The following RIMKLA variants were observed in gnomAD, a reference collection of about 807,000 sequenced individuals.
RIMKLA encodes the protein ribosomal modification protein rimK like family member A, also known as N-acetylaspartylglutamate synthase A.
In RIMKLA, 14 loss-of-function variants were observed where a neutral mutation model predicts 32.7. The observed-to-expected ratio is 0.43, with a 90% CI of 0.28 to 0.67. The LOEUF (loss-of-function observed/expected upper bound fraction) is 0.67. Ranked by LOEUF, RIMKLA falls within the 30% of genes least tolerant of loss-of-function variation. The pLI is 0.18. For missense variants in RIMKLA, 410 were observed against 519.0 expected, an observed-to-expected ratio of 0.79 and a Z score of 2.04; for synonymous variants, 176 against 204.1, an observed-to-expected ratio of 0.86 and a Z score of 1.18.
chr1:42,386,538 C>T (rs181601365), intron 1 of RIMKLA, among the ~76,000 whole-genome samples: 25 of 151,428 alleles, frequency 1.7e-4, no homozygotes, highest in Admixed American at 1.5e-3. Context: ...CACAAACCTA[C>T]AACATATTCT....
At chr1:42,392,116 A>AT (rs1643004604) in intron 1 of RIMKLA, among the ~76,000 whole-genome samples, 1 of 152,126 alleles carries the variant, frequency 6.6e-6, no homozygotes, top group Admixed American at 6.5e-5. Flanking sequence ...GAGATTATGA[A>AT]TTTATTAGTT....
chr1:42,380,986 C>A lies in RIMKLA; in HGVS notation c.52C>A (p.Pro18Thr). 6.9e-7 allele frequency: 1 copy of A among 1,451,956 alleles called. No homozygotes were observed. The allele number at this position is 1,451,956 out of a possible 1,614,324, so 89.9% of individuals were successfully genotyped here. Residue 18 changes from proline (P) to threonine (T), a missense_variant, in exon 1 of 5, where the codon CCG (proline) becomes ACG (threonine). Transcript: ENST00000431473. ...LTDRRIREDY[P>T]QVQILRALRQ... ...GGACCGGCGCATCCGCGAGGACTAC[C>A]CGCAGGTGCAGATCCTGCGCGCCCT...
In RIMKLA at chr1:42,423,956, C is replaced by T. The variant is rs1643316066; in HGVS notation, c.*8982C>T. On this transcript the variant is annotated 3_prime_UTR_variant, in exon 5 of 5. Coordinates refer to ENST00000431473, the MANE Select transcript of RIMKLA (RefSeq NM_173642.4). ...TTGTTAGAAAATTCTGGCTGAAATT[C>T]TCATGAGATGGGTCAGGGAACCTTG... 6.6e-6 allele frequency among the ~76,000 whole-genome samples: 1 copy of T among 152,238 alleles called. No individual in the cohort carries two copies. Among genetic ancestry groups the T allele is most frequent in the Non-Finnish European group, 1.5e-5 (1 of 68,014 alleles).
At chr1:42,388,910 C>T (rs1014125869) in intron 1 of RIMKLA, among the ~76,000 whole-genome samples, 1 of 152,060 alleles carries the variant, frequency 6.6e-6, no homozygotes, top group African/African-American at 2.4e-5. Flanking sequence ...CTAGAGGCAC[C>T]AAGAGCAGAA....
intron 1 of RIMKLA, among the ~76,000 whole-genome samples, chr1:42,385,263 A>G (rs1642926312): frequency 1.3e-5 from 2 of 152,066 alleles, no homozygotes; most frequent in South Asian, 4.2e-4. Flanking sequence ...TGTGGGGGAG[A>G]TCATGAGGGG....
In RIMKLA at chr1:42,404,436, C is replaced by T. The variant is rs557435755; in HGVS notation, c.395-75C>T. On this transcript the variant is annotated intron_variant, in intron 2 of 4. Coordinates refer to ENST00000431473, the MANE Select transcript of RIMKLA (RefSeq NM_173642.4). ...AGATGAGGCCTCACAAGAATTCCTA[C>T]AGAGGGGCGGGGCTGGGGTGACCGC... 1.2e-4 allele frequency: 117 copies of T among 955,620 alleles called. 1 individual carries two copies. The highest frequency in any genetic ancestry group is 4.2e-4 in the Middle Eastern group (2 of 4,776). 59.2% of individuals were successfully genotyped at this position (955,620 alleles called of 1,614,324 possible).
intron 1 of RIMKLA, among the ~76,000 whole-genome samples, chr1:42,390,291 GC>G (rs1388034529): frequency 6.6e-6 from 1 of 152,196 alleles, no homozygotes; most frequent in African/African-American, 2.4e-5. Context: ...GCCGGCCTCA[GC>G]CTCCCAAAGT....
Position 42,414,534 on chromosome 1 carries a change from A to G in RIMKLA, c.736A>G (p.Ile246Val). ...PLTEQGKQLA[I>V]QVSNILGMDF... ...GACAGAACAAGGCAAGCAGTTGGCTATTCAGGTGTCCAACATCCTAGGCAT... is the reference window on the plus strand; with the variant it reads ...GACAGAACAAGGCAAGCAGTTGGCTGTTCAGGTGTCCAACATCCTAGGCAT... The change falls in exon 5 of 5, where the codon ATT becomes GTT. Residue 246 changes from isoleucine (I) to valine (V), a missense_variant. Ile to Val is a conservative substitution (Grantham distance 29, BLOSUM62 3). Transcript: ENST00000431473. 6.2e-7 allele frequency: 1 copy of G among 1,614,246 alleles called. No individual in the cohort carries two copies. The highest frequency in any genetic ancestry group is 8.5e-7 in the Non-Finnish European group (1 of 1,180,042).
intron 4 of RIMKLA, among the ~76,000 whole-genome samples, chr1:42,413,435 C>T (rs1269946767): frequency 3.5e-5 from 5 of 143,074 alleles, no homozygotes; most frequent in Non-Finnish European, 6.0e-5. Context: ...ATCCAGGAGG[C>T]GGAGGTTGCA....
chr1:42,382,172 C>T (rs573515867), intron 1 of RIMKLA, among the ~76,000 whole-genome samples: 45 of 152,290 alleles, frequency 3.0e-4, no homozygotes, highest in African/African-American at 7.9e-4. Context: ...CCAAGTTTAT[C>T]GAAGTCCCTC....
Position 42,420,279 on chromosome 1 carries a change from T to C in RIMKLA, c.*5305T>C, listed in dbSNP as rs185895832. 1 of 152,364 alleles carries C rather than the reference T, an allele frequency of 6.6e-6. No homozygotes were observed. Among genetic ancestry groups the C allele is most frequent in the East Asian group, 1.9e-4 (1 of 5,186 alleles). The allele number at this position is 152,364 out of a possible 1,614,324, so 9.4% of individuals were successfully genotyped here. On this transcript the variant is annotated 3_prime_UTR_variant, in exon 5 of 5. Coordinates refer to ENST00000431473, the MANE Select transcript of RIMKLA (RefSeq NM_173642.4). Reference sequence around the variant, plus strand: ...GCATCAGCTGAGACATGAAGCTCAGTTTCCTCGCCCATTTCCACATAGCAA... The same window carrying C: ...GCATCAGCTGAGACATGAAGCTCAGCTTCCTCGCCCATTTCCACATAGCAA...
rs1349197904 is a variant in RIMKLA at position 42,422,850 on chromosome 1, G to A, written c.*7876G>A. On this transcript the variant is annotated 3_prime_UTR_variant, in exon 5 of 5. Transcript: ENST00000431473. Reference sequence around the variant, plus strand: ...GGAGGAAAATACTAATGCAGATGGCGTGAGCTTGTCACGGGCCTGCTCAGC... The same window carrying A: ...GGAGGAAAATACTAATGCAGATGGCATGAGCTTGTCACGGGCCTGCTCAGC... Among the ~76,000 whole-genome samples, 4 of 152,182 alleles carry A rather than the reference G, an allele frequency of 2.6e-5. No individual in the cohort carries two copies. The highest frequency in any genetic ancestry group is 6.5e-5 in the Admixed American group (1 of 15,270).
intron 4 of RIMKLA, among the ~76,000 whole-genome samples, chr1:42,411,070 CT>C (rs1456220203): frequency 6.6e-6 from 1 of 152,214 alleles, no homozygotes; most frequent in East Asian, 1.9e-4. Context: ...TGGCTTATGC[CT>C]GTAATCCCAG....
intron 2 of RIMKLA, among the ~76,000 whole-genome samples, chr1:42,401,690 G>A (rs557350448): frequency 9.3e-4 from 141 of 152,256 alleles, no homozygotes; most frequent in Non-Finnish European, 1.4e-3. Context: ...GAGGGAGAAG[G>A]AAATAAATGG....
chr1:42,387,080 A>AATAC (rs899716003), intron 1 of RIMKLA, among the ~76,000 whole-genome samples: 1 of 150,996 alleles, frequency 6.6e-6, no homozygotes, highest in African/African-American at 2.4e-5. Flanking sequence ...TAAATAAATA[A>AATAC]ATAAATAAAT....
chr1:42,389,564 C>A (rs1642978771), intron 1 of RIMKLA, among the ~76,000 whole-genome samples: 1 of 152,176 alleles, frequency 6.6e-6, no homozygotes, highest in East Asian at 1.9e-4. Flanking sequence ...GTAATTCCAG[C>A]ACTTTGGGAG....
At position 42,422,746 on chromosome 1, in the gene RIMKLA, T is replaced by C. The variant is rs567343217; in HGVS notation, c.*7772T>C. Among the ~76,000 whole-genome samples, 1 of 152,320 alleles carries C rather than the reference T, an allele frequency of 6.6e-6. No individual in the cohort carries two copies. The highest frequency in any genetic ancestry group is 2.1e-4 in the South Asian group (1 of 4,824). ...ATTCACTTGCACACCAGCTGCGTTC[T>C]GAAAAACTATAATTTTCCTTTCAAA... is the stretch of plus-strand genomic sequence containing the variant. On this transcript the variant is annotated 3_prime_UTR_variant, in exon 5 of 5. Coordinates refer to ENST00000431473, the MANE Select transcript of RIMKLA (RefSeq NM_173642.4).
intron 2 of RIMKLA, among the ~76,000 whole-genome samples, chr1:42,401,659 G>T (rs1643098311): frequency 6.6e-6 from 1 of 152,162 alleles, no homozygotes; most frequent in African/African-American, 2.4e-5. Flanking sequence ...AATGAATACA[G>T]CTTCAGTTTA....
At chr1:42,408,265 C>G (rs1643164993) in intron 3 of RIMKLA, among the ~76,000 whole-genome samples, 1 of 152,202 alleles carries the variant, frequency 6.6e-6, no homozygotes, top group South Asian at 2.1e-4. Context: ...CTCCTGTCAC[C>G]TGCCATGTGG....
Sources: gnomAD v4.1 joint callset for allele counts (sites outside exome capture counted in the v4.1 genomes callset) on GRCh38, gnomAD v4.1.1 for gene constraint, MANE v1.5 for transcripts, NCBI Gene and HGNC (gene_info 2026-07-23, HGNC 2026-07-21) for gene names.